GLB1: variants seen among roughly 807,000 people sequenced by gnomAD.
GLB1 encodes beta-galactosidase.
A neutral mutation model predicts 74.0 loss-of-function variants in GLB1; 56 were observed. The observed-to-expected ratio is 0.76, with a 90% CI of 0.61 to 0.94. GLB1 has a LOEUF of 0.94. GLB1 is among the 40% of genes least tolerant of loss of function. GLB1 has a pLI of 0.00. For missense variants in GLB1, 787 were observed against 845.5 expected (o/e 0.93, Z 0.86); for synonymous variants, 323 against 323.6 (o/e 1.00, Z 0.02).
chr3:33,052,102 G>A, intron 7 of GLB1, 98 bp from the exon 8 acceptor site: 1 of 1,593,424 alleles, frequency 6.3e-7, no homozygotes, highest in Non-Finnish European at 8.5e-7. Context: ...TGTAAAGGGG[G>A]TTGACATGCT....
intron 13 of GLB1, 132 bp from the exon 14 acceptor site, chr3:33,016,972 G>C: frequency 6.9e-7 from 1 of 1,442,036 alleles, no homozygotes; most frequent in South Asian, 1.4e-5. Context: ...GAAATGCTTT[G>C]ATAGCATCTT....
intron 5 of GLB1, 65 bp downstream of exon 5, chr3:33,065,398 A>G (rs985710940): frequency 5.0e-5 from 77 of 1,537,860 alleles, no homozygotes; most frequent in Non-Finnish European, 6.2e-5. Flanking sequence ...CACTTCTATC[A>G]TTTATGTAAT....
intron 15 of GLB1, among the ~76,000 whole-genome samples, chr3:33,012,262 C>T (rs13081593): frequency 0.27 from 40,782 of 151,998 alleles, 6,076 homozygotes; most frequent in East Asian, 0.47. Flanking sequence ...CTGTCTTTCC[C>T]AGCCATTCTC....
chr3:32,989,445 G>T, the GLB1 span, among the ~76,000 whole-genome samples: 19 of 152,340 alleles, frequency 1.2e-4, 2 homozygotes, highest in South Asian at 3.7e-3. Flanking sequence ...AACCAGAAGA[G>T]ATATGATAGT....
At chr3:33,026,352 A>G (rs778736412) in intron 10 of GLB1, among the ~76,000 whole-genome samples, 2 of 152,256 alleles carry the variant, frequency 1.3e-5, no homozygotes, top group Non-Finnish European at 2.9e-5. Flanking sequence ...CTGCCACCTC[A>G]GCCCCCTCTG....
At chr3:33,046,330 T>C in intron 9 of GLB1, 98 bp from the exon 10 acceptor site, 2 of 1,413,090 alleles carry the variant, frequency 1.4e-6, no homozygotes, top group Non-Finnish European at 2.0e-6. Context: ...GAGAGAAAAC[T>C]AGAAGACACA....
At chr3:33,077,233 C>G (rs9865232) in intron 1 of GLB1, 8 of 1,549,324 alleles carry the variant, frequency 5.2e-6, no homozygotes, top group Non-Finnish European at 7.0e-6. Context: ...AGGAAGGAAT[C>G]GAGACTGAGA....
intron 10 of GLB1, among the ~76,000 whole-genome samples, chr3:33,031,196 A>G (rs1229791576): frequency 1.3e-5 from 2 of 152,224 alleles, no homozygotes; most frequent in African/African-American, 4.8e-5. Flanking sequence ...CAGAGGAGAC[A>G]TATTCCGCTT....
At chr3:32,995,491 C>T (rs1392753689), downstream of GLB1, among the ~76,000 whole-genome samples, 3 of 151,974 alleles carry the variant, frequency 2.0e-5, no homozygotes, top group Non-Finnish European at 4.4e-5. Flanking sequence ...TATGGAAAAA[C>T]GTCCTTAACT....
Position 33,014,268 on chromosome 3 carries a change from C to T in GLB1, c.1522G>A (p.Asp508Asn). 1 of 1,614,132 alleles carries T rather than the reference C, an allele frequency of 6.2e-7. No homozygotes were observed. The highest frequency in any genetic ancestry group is 8.5e-7 in the Non-Finnish European group (1 of 1,180,016). ...GTGTCCAGTGGAAAGATCGTCCAGTCCGTGAGGATATTGGAACTGAGAGTC... is the reference window on the plus strand; with the variant it reads ...GTGTCCAGTGGAAAGATCGTCCAGTTCGTGAGGATATTGGAACTGAGAGTC... ...NLTLSSNILT[D>N]WTIFPLDTED... is the part of the protein sequence containing the mutation. The change falls in exon 15 of 16, where the codon GAC (aspartate) becomes AAC (asparagine). Residue 508 changes from aspartate (D) to asparagine (N), a missense_variant. Physicochemically the swap from Asp to Asn is conservative, Grantham distance 23 (BLOSUM62 1). Coordinates refer to ENST00000307363, the MANE Select transcript of GLB1 (RefSeq NM_000404.4).
intron 9 of GLB1, 119 bp from the exon 10 acceptor site, chr3:33,046,351 T>A: frequency 8.6e-7 from 1 of 1,158,120 alleles, no homozygotes; most frequent in Non-Finnish European, 1.3e-6. Context: ...TTAAAACCAC[T>A]TGTTGGGAGA....
At chr3:33,037,152 T>C (rs1222684231) in intron 10 of GLB1, among the ~76,000 whole-genome samples, 1 of 151,982 alleles carries the variant, frequency 6.6e-6, no homozygotes, top group African/African-American at 2.4e-5. Context: ...TTCAAGCGAT[T>C]CTCCTGCCCC....
intron 15 of GLB1, among the ~76,000 whole-genome samples, chr3:33,010,622 A>G (rs1696981610): frequency 6.6e-6 from 1 of 152,164 alleles, no homozygotes; most frequent in Non-Finnish European, 1.5e-5. Flanking sequence ...TTTTTGAAGA[A>G]CAAATATTTT....
intron 15 of GLB1, among the ~76,000 whole-genome samples, chr3:33,004,959 G>C (rs1696726365): frequency 6.6e-6 from 1 of 152,186 alleles, no homozygotes; most frequent in South Asian, 2.1e-4. Context: ...AAAAGTGTAA[G>C]AAGAGAGCCC....
At chr3:33,030,934 T>C (rs1257534748) in intron 10 of GLB1, 3 of 564,596 alleles carry the variant, frequency 5.3e-6, no homozygotes, top group African/African-American at 4.1e-5. Context: ...TGCCCTATAT[T>C]TTTATGGTTC....
chr3:33,026,071 G>C (rs569670745), intron 10 of GLB1, among the ~76,000 whole-genome samples: 43 of 152,266 alleles, frequency 2.8e-4, no homozygotes, highest in African/African-American at 9.9e-4. Context: ...AGCTGTGCCC[G>C]GGGCAGTGCC....
intron 1 of GLB1, among the ~76,000 whole-genome samples, chr3:33,085,507 G>C (rs1700476109): frequency 6.6e-6 from 1 of 151,678 alleles, no homozygotes; most frequent in African/African-American, 2.4e-5. Context: ...CTCTAAAAAA[G>C]TATTGCATTT....
intron 10 of GLB1, among the ~76,000 whole-genome samples, chr3:33,029,861 C>G (rs1036136936): frequency 6.6e-6 from 1 of 151,622 alleles, no homozygotes; most frequent in Non-Finnish European, 1.5e-5. Context: ...ATGCTTATTA[C>G]CTGGGTGACA....
intron 1 of GLB1, among the ~76,000 whole-genome samples, chr3:33,081,738 T>C (rs943659305): frequency 1.3e-5 from 2 of 152,164 alleles, no homozygotes; most frequent in African/African-American, 2.4e-5. Context: ...ACCAGCAAGG[T>C]CACAGTGGCA....
Sources: allele counts gnomAD v4.1 joint callset (sites outside exome capture counted in the v4.1 genomes callset), GRCh38; gene constraint gnomAD v4.1.1; transcripts MANE v1.5; gene names NCBI Gene and HGNC (gene_info 2026-07-23, HGNC 2026-07-21).